STIM2: variants seen among roughly 807,000 people sequenced by gnomAD.
The protein encoded by STIM2 is stromal interaction molecule 2.
Under a neutral mutation model 85.8 loss-of-function variants are expected in STIM2, and 31 were observed. That is an observed-to-expected ratio of 0.36 (90% CI 0.27 to 0.49). The LOEUF (loss-of-function observed/expected upper bound fraction) is 0.49. STIM2 is among the 20% of genes least tolerant of loss of function. The pLI is 0.98. For missense variants in STIM2, 841 were observed against 927.6 expected (o/e 0.91, Z 1.21); for synonymous variants, 356 against 331.1 (o/e 1.08, Z -0.82).
In STIM2 at chr4:27,002,878, T is replaced by A. The variant is rs566855854; in HGVS notation, c.804-49T>A. On this transcript the variant is annotated intron_variant, in intron 6 of 11. Transcript: ENST00000467087. The stretch of plus-strand genomic sequence containing the variant: ...GTATTCATTATTTTGTAAAAAAAAA[T>A]AAAACTGGAAATTTTTGTGAGGAAT... 9.9e-4 allele frequency: 1,362 copies of A among 1,375,682 alleles called. 3 individuals carry two copies. The highest frequency in any genetic ancestry group is 7.0e-4 in the Non-Finnish European group (726 of 1,041,936). The allele number at this position is 1,375,682 out of a possible 1,614,324, so 85.2% of individuals were successfully genotyped here.
intron 1 of STIM2, among the ~76,000 whole-genome samples, chr4:26,868,387 A>G (rs1267965604): frequency 1.3e-5 from 2 of 152,132 alleles, no homozygotes. Context: ...TGATCTTCCT[A>G]AACTTGACAT....
At chr4:26,957,807 G>A in intron 3 of STIM2, 81 bp downstream of exon 3, 1 of 786,758 alleles carries the variant, frequency 1.3e-6, no homozygotes, top group Non-Finnish European at 2.1e-6. Flanking sequence ...CTTATAGTAT[G>A]CTTTTACCAA....
intron 3 of STIM2, among the ~76,000 whole-genome samples, chr4:26,974,252 T>C (rs929185162): frequency 2.0e-5 from 3 of 152,224 alleles, no homozygotes; most frequent in Non-Finnish European, 4.4e-5. Context: ...TTAATATTGT[T>C]ATGTGTGATA....
At chr4:26,928,453 A>G (rs1205402082) in intron 2 of STIM2, among the ~76,000 whole-genome samples, 1 of 152,224 alleles carries the variant, frequency 6.6e-6, no homozygotes, top group Non-Finnish European at 1.5e-5. Context: ...TTGACAGCCT[A>G]TTTGTAATTG....
At chr4:26,972,156 T>C (rs1214954265) in intron 3 of STIM2, among the ~76,000 whole-genome samples, 1 of 152,194 alleles carries the variant, frequency 6.6e-6, no homozygotes, top group Non-Finnish European at 1.5e-5. Flanking sequence ...ATCATGGGAT[T>C]TTCTAAATAT....
intron 2 of STIM2, among the ~76,000 whole-genome samples, chr4:26,928,992 G>A (rs1199503019): frequency 1.3e-5 from 2 of 152,088 alleles, no homozygotes; most frequent in Non-Finnish European, 2.9e-5. Flanking sequence ...GAAATCCACT[G>A]TCCAGTGTGG....
chr4:26,949,305 C>T (rs917026600), intron 2 of STIM2, among the ~76,000 whole-genome samples: 2 of 152,112 alleles, frequency 1.3e-5, no homozygotes, highest in Non-Finnish European at 2.9e-5. Context: ...AAAGTAGCAA[C>T]TCCAGAATTT....
chr4:26,972,607 A>T (rs550008015), intron 3 of STIM2, among the ~76,000 whole-genome samples: 1 of 152,292 alleles, frequency 6.6e-6, no homozygotes, highest in South Asian at 2.1e-4. Flanking sequence ...ATTGTGGTGG[A>T]TAAGCTTTTT....
At chr4:26,903,992 A>G (rs1188720676) in intron 1 of STIM2, among the ~76,000 whole-genome samples, 2 of 151,836 alleles carry the variant, frequency 1.3e-5, no homozygotes, top group Non-Finnish European at 2.9e-5. Flanking sequence ...CATGTGCATA[A>G]TGTGCAGGTT....
chr4:26,894,993 C>T (rs1204427691), intron 1 of STIM2, among the ~76,000 whole-genome samples: 1 of 152,208 alleles, frequency 6.6e-6, no homozygotes, highest in Non-Finnish European at 1.5e-5. Context: ...GGGTGGATCA[C>T]CTGAGGCCAG....
intron 1 of STIM2, 34 bp from the exon 2 acceptor site, chr4:26,919,470 G>T: frequency 6.2e-7 from 1 of 1,611,188 alleles, no homozygotes; most frequent in South Asian, 1.1e-5. Flanking sequence ...GTTTTGGTAT[G>T]GCAAGTTAGT....
intron 1 of STIM2, among the ~76,000 whole-genome samples, chr4:26,864,865 C>A (rs1168041538): frequency 6.6e-6 from 1 of 152,110 alleles, no homozygotes; most frequent in Non-Finnish European, 1.5e-5. Flanking sequence ...GGAAATACCT[C>A]AAATTAGCAT....
chr4:26,880,216 G>T (rs1225137940), intron 1 of STIM2, among the ~76,000 whole-genome samples: 1 of 152,020 alleles, frequency 6.6e-6, no homozygotes, highest in Non-Finnish European at 1.5e-5. Context: ...CTCTTTCTCT[G>T]TTTCTGGGCC....
chr4:26,918,645 G>A (rs13127603), intron 1 of STIM2, among the ~76,000 whole-genome samples: 39,258 of 152,074 alleles, frequency 0.26, 5,046 homozygotes, highest in East Asian at 0.31. Flanking sequence ...CAGTCCGCCA[G>A]TCAGCCAGAC....
At chr4:26,986,806 TAAAA>T (rs1218917359) in intron 3 of STIM2, among the ~76,000 whole-genome samples, 2 of 152,192 alleles carry the variant, frequency 1.3e-5, no homozygotes, top group African/African-American at 2.4e-5. Context: ...AATTGATAAT[TAAAA>T]ACAAAACAAA....
chr4:26,962,201 A>G (rs909286511), intron 3 of STIM2, among the ~76,000 whole-genome samples: 2 of 152,244 alleles, frequency 1.3e-5, no homozygotes, highest in Non-Finnish European at 2.9e-5. Context: ...AAATTCACTT[A>G]TAAAATGTAA....
At chr4:26,868,339 T>A (rs1722480736) in intron 1 of STIM2, among the ~76,000 whole-genome samples, 1 of 152,210 alleles carries the variant, frequency 6.6e-6, no homozygotes, top group South Asian at 2.1e-4. Context: ...TCTGTGTAAC[T>A]TTTTTCTCTA....
intron 2 of STIM2, among the ~76,000 whole-genome samples, chr4:26,950,079 C>T (rs1393693046): frequency 6.6e-6 from 1 of 152,118 alleles, no homozygotes; most frequent in African/African-American, 2.4e-5. Context: ...AAATAATTAC[C>T]TGGCCTTCCA....
chr4:26,934,936 A>G (rs1481484144), intron 2 of STIM2, among the ~76,000 whole-genome samples: 1 of 146,360 alleles, frequency 6.8e-6, no homozygotes, highest in African/African-American at 2.5e-5. Flanking sequence ...AAAAAAAAAA[A>G]GAACAAAGTT....
Sources: allele counts gnomAD v4.1 joint callset (sites outside exome capture counted in the v4.1 genomes callset), GRCh38; gene constraint gnomAD v4.1.1; transcripts MANE v1.5; gene names NCBI Gene and HGNC (gene_info 2026-07-23, HGNC 2026-07-21).